PLEKHG7: variants seen among roughly 807,000 people sequenced by gnomAD.
PLEKHG7 encodes pleckstrin homology and RhoGEF domain containing G7, also known as pleckstrin homology domain-containing family G member 7.
Under a neutral mutation model 85.2 loss-of-function variants are expected in PLEKHG7, and 77 were observed. The observed-to-expected ratio is 0.90, with a 90% confidence interval of 0.75 to 1.09. The LOEUF (loss-of-function observed/expected upper bound fraction) is 1.09. Among genes scored for constraint, PLEKHG7 ranks in the 50% least tolerant of loss-of-function variants. The probability of loss-of-function intolerance (pLI) is 0.00; values close to 1 mark genes in which losing one functional copy is unlikely to be tolerated. For synonymous variants in PLEKHG7, 301 were observed against 302.4 expected (o/e 1.00, Z 0.05); for missense variants, 777 against 804.3 (o/e 0.97, Z 0.41).
At chr12:92,714,459 G>A (rs572538858) in intron 3 of PLEKHG7, among the ~76,000 whole-genome samples, 2 of 152,170 alleles carry the variant, frequency 1.3e-5, no homozygotes, top group Non-Finnish European at 2.9e-5. Context: ...TAGGCACCTG[G>A]TGGGGCTGTG....
intron 7 of PLEKHG7, among the ~76,000 whole-genome samples, chr12:92,738,110 C>T (rs1872232167): frequency 6.6e-6 from 1 of 152,176 alleles, no homozygotes; most frequent in Non-Finnish European, 1.5e-5. Flanking sequence ...GCAGGGCCAC[C>T]ATTGCAGATA....
chr12:92,725,489 C>T (rs563264221), intron 3 of PLEKHG7, among the ~76,000 whole-genome samples: 6 of 152,100 alleles, frequency 3.9e-5, no homozygotes, highest in East Asian at 3.9e-4. Context: ...AGGTAAGAGG[C>T]GACCATGTTA....
In PLEKHG7 at chr12:92,736,528, C is replaced by G. The variant is rs374119571; in HGVS notation, c.746C>G (p.Ser249Cys). 1 of 1,231,838 alleles carries G rather than the reference C, an allele frequency of 8.1e-7. No homozygotes were observed. Among genetic ancestry groups the G allele is most frequent in the South Asian group, 4.1e-5 (1 of 24,312 alleles). The allele number at this position is 1,231,838 out of a possible 1,614,324, so 76.3% of individuals were successfully genotyped here. A position where few individuals can be genotyped will look rare whatever the true frequency, so the allele number is the denominator to read the frequency against. ...KHISDLENCLSSVKITSFRGY... is the reference protein window; with the variant it reads ...KHISDLENCLCSVKITSFRGY... ...ATATCTGATCTGGAAAACTGCCTGT[C>G]CTCTGTGAAAATTACCAGCTTCAGG... Residue 249 changes from serine to cysteine, a missense_variant, in exon 6 of 17, where the codon TCC becomes TGC. Ser to Cys is a moderately radical substitution (Grantham distance 112, BLOSUM62 -1). Transcript: ENST00000344636.
intron 12 of PLEKHG7, 29 bp downstream of exon 12, chr12:92,755,969 T>C (rs774052678): frequency 2.0e-6 from 3 of 1,463,600 alleles, no homozygotes; most frequent in East Asian, 2.3e-5. Flanking sequence ...TTAGGACTTA[T>C]GTCCATTTCT....
rs186964568 is a variant in PLEKHG7, at chr12:92,711,659, T to A, written c.530+3987T>A. 5.3e-5 allele frequency among the ~76,000 whole-genome samples: 8 copies of A among 151,862 alleles called. 1 individual carries two copies. The East Asian group carries it at 1.2e-3, about 22-fold the overall frequency. Reference sequence around the variant, plus strand: ...TAGTTATCTGCAGAAGATGGCAGGGTCTTGCTCCAAAATCCTAGAGGTCTC... The same window carrying A: ...TAGTTATCTGCAGAAGATGGCAGGGACTTGCTCCAAAATCCTAGAGGTCTC... On this transcript the variant is annotated intron_variant, in intron 3 of 16. Transcript: ENST00000344636.
At chr12:92,738,762 A>G (rs1478158282) in intron 7 of PLEKHG7, among the ~76,000 whole-genome samples, 1 of 152,248 alleles carries the variant, frequency 6.6e-6, no homozygotes, top group Non-Finnish European at 1.5e-5. Context: ...TATGATGATC[A>G]AATTAGTTTT....
At chr12:92,755,581 C>A (rs1411872858) in intron 11 of PLEKHG7, among the ~76,000 whole-genome samples, 2 of 151,964 alleles carry the variant, frequency 1.3e-5, no homozygotes, top group East Asian at 3.9e-4. Flanking sequence ...TAAGAATACA[C>A]AATATACTTT....
At chr12:92,756,873 T>C (rs1311384955) in intron 13 of PLEKHG7, among the ~76,000 whole-genome samples, 1 of 152,214 alleles carries the variant, frequency 6.6e-6, no homozygotes, top group Non-Finnish European at 1.5e-5. Flanking sequence ...CTCTGCCTTA[T>C]TACCAGACCT....
At chr12:92,761,949 T>TA (rs1777623293) in intron 14 of PLEKHG7, 118 bp downstream of exon 14, 2 of 1,250,792 alleles carry the variant, frequency 1.6e-6, no homozygotes, top group Admixed American at 4.2e-5. Context: ...TCTTTTCCTC[T>TA]AAAAAATGAA....
chr12:92,732,108 G>A, intron 4 of PLEKHG7, 125 bp from the exon 5 acceptor site: 1 of 462,298 alleles, frequency 2.2e-6, no homozygotes, highest in East Asian at 3.5e-5. Flanking sequence ...AAGAGAAAGA[G>A]AATTAAAGCA....
chr12:92,744,473 T>A (rs1178893846), intron 9 of PLEKHG7, among the ~76,000 whole-genome samples: 1 of 152,174 alleles, frequency 6.6e-6, no homozygotes, highest in African/African-American at 2.4e-5. Context: ...TATATGTATA[T>A]ATAAATTAAC....
rs908617716 is a variant in PLEKHG7, at chr12:92,771,827, T to A, written c.*1632T>A. 1.3e-5 allele frequency: 2 copies of A among 152,010 alleles called. No homozygotes were observed. The highest frequency in any genetic ancestry group is 2.9e-5 in the Non-Finnish European group (2 of 67,916). The allele number at this position is 152,010 out of a possible 1,614,324, so 9.4% of individuals were successfully genotyped here. ...TCCAGCAACCACAGACTTACATGTA[T>A]AAAGGTAGTTTTCTCCCTCTGAATC... On this transcript the variant is annotated 3_prime_UTR_variant, in exon 17 of 17. Coordinates refer to ENST00000344636, the MANE Select transcript of PLEKHG7 (RefSeq NM_001377329.1).
At chr12:92,726,898 T>C (rs1161448178) in intron 3 of PLEKHG7, among the ~76,000 whole-genome samples, 1 of 152,200 alleles carries the variant, frequency 6.6e-6, no homozygotes, top group Non-Finnish European at 1.5e-5. Flanking sequence ...CTTCAGATCA[T>C]CGGGGAACCA....
At chr12:92,703,586 G>A (rs1038023180) in intron 1 of PLEKHG7, among the ~76,000 whole-genome samples, 1 of 152,210 alleles carries the variant, frequency 6.6e-6, no homozygotes, top group Non-Finnish European at 1.5e-5. Context: ...GTTGGCAGAG[G>A]AGAAGTGGCT....
At chr12:92,727,927 G>GGTGTGTGTGTGTGT (rs540230230) in intron 3 of PLEKHG7, among the ~76,000 whole-genome samples, 8 of 84,988 alleles carry the variant, frequency 9.4e-5, no homozygotes, top group Non-Finnish European at 1.4e-4. Context: ...GGTATTCTAT[G>GGTGTGTGTGTGTGT]GTGTGTGTGT....
At chr12:92,721,343 G>T in intron 3 of PLEKHG7, 1 of 701,288 alleles carries the variant, frequency 1.4e-6, no homozygotes, top group Non-Finnish European at 2.0e-6. Flanking sequence ...CAGTGGGGTT[G>T]GGGGGGAATT....
chr12:92,761,263 A>G (rs1872980178), intron 13 of PLEKHG7, among the ~76,000 whole-genome samples: 1 of 152,208 alleles, frequency 6.6e-6, no homozygotes, highest in African/African-American at 2.4e-5. Context: ...AGAGGAATCT[A>G]GAGGCAAAAA....
chr12:92,758,227 TACCTCCCAATACTGCAAGATGC>T (rs1323458751), intron 13 of PLEKHG7, among the ~76,000 whole-genome samples: 5 of 152,166 alleles, frequency 3.3e-5, no homozygotes, highest in Admixed American at 2.6e-4. Flanking sequence ...TCTTCCTACC[TACCTCCCAATACTGCAAGATGC>T]ACCAGCTTCT....
chr12:92,707,856 A>C, intron 3 of PLEKHG7, 184 bp downstream of exon 3: 1 of 961,476 alleles, frequency 1.0e-6, no homozygotes, highest in South Asian at 1.6e-5. Flanking sequence ...TCTCCCTTTA[A>C]GAGCACAGCA....
Sources: allele counts gnomAD v4.1 joint callset (sites outside exome capture counted in the v4.1 genomes callset), GRCh38; gene constraint gnomAD v4.1.1; transcripts MANE v1.5; gene names NCBI Gene and HGNC (gene_info 2026-07-23, HGNC 2026-07-21).